CHLSN: variants seen among roughly 807,000 people sequenced by gnomAD.
CHLSN encodes protein cholesin.
the CHLSN span, among the ~76,000 whole-genome samples, chr7:1,008,596 C>T: frequency 6.6e-6 from 1 of 152,166 alleles, no homozygotes; most frequent in Non-Finnish European, 1.5e-5. Flanking sequence ...TTCTATGACC[C>T]CCAAGGCAGC....
chr7:1,050,797 G>C, the CHLSN span, among the ~76,000 whole-genome samples: 2 of 152,218 alleles, frequency 1.3e-5, no homozygotes, highest in Non-Finnish European at 2.9e-5. Context: ...TGAGGACCCA[G>C]AGACGGGCAC....
At chr7:1,016,842 CCAGCACACAGCAGCACA>C in the CHLSN span, among the ~76,000 whole-genome samples, 18,041 of 112,642 alleles carry the variant, frequency 0.16, 3,750 homozygotes, top group Admixed American at 0.23. Flanking sequence ...GCAGCGCACG[CCAGCACACAGCAGCACA>C]CAGCACACAG....
chr7:985,029 C>A, the CHLSN span: 1 of 1,612,162 alleles, frequency 6.2e-7, no homozygotes, highest in South Asian at 1.1e-5. Flanking sequence ...TGGGCGTGGG[C>A]CGGGAGCCGG....
the CHLSN span, among the ~76,000 whole-genome samples, chr7:1,105,133 T>C: frequency 3.9e-5 from 6 of 152,178 alleles, no homozygotes; most frequent in Admixed American, 3.9e-4. Flanking sequence ...CAATCCTGGG[T>C]AAAAGGGCCA....
chr7:1,014,540 G>A, the CHLSN span, among the ~76,000 whole-genome samples: 3 of 152,238 alleles, frequency 2.0e-5, no homozygotes, highest in East Asian at 3.8e-4. Flanking sequence ...GGTGGGTAAC[G>A]TGCTAGTCAT....
At chr7:1,136,511 C>CAT in the CHLSN span, among the ~76,000 whole-genome samples, 2,748 of 106,348 alleles carry the variant, frequency 0.026, 410 homozygotes, top group East Asian at 0.099. Flanking sequence ...TATATATAAA[C>CAT]ATATATAAAT....
chr7:1,126,836 C>T, the CHLSN span, among the ~76,000 whole-genome samples: 2 of 152,192 alleles, frequency 1.3e-5, no homozygotes, highest in Non-Finnish European at 2.9e-5. Context: ...GGACAATAAT[C>T]GTGTTATTCG....
chr7:1,074,333 G>A, the CHLSN span: 2,158 of 133,260 alleles, frequency 0.016, 68 homozygotes, highest in African/African-American at 0.06. Flanking sequence ...GTGTCCCACA[G>A]CACAGGACCT....
At chr7:1,093,242 C>T in the CHLSN span, 1 of 477,314 alleles carries the variant, frequency 2.1e-6, no homozygotes, top group East Asian at 6.5e-5. Context: ...GGGTGAAGCG[C>T]CTCAGTTACA....
chr7:1,019,069 T>C, the CHLSN span, among the ~76,000 whole-genome samples: 23 of 151,444 alleles, frequency 1.5e-4, no homozygotes, highest in Non-Finnish European at 3.2e-4. Context: ...GTGGTGCACG[T>C]CTGTAATCCC....
At chr7:1,080,313 G>A in the CHLSN span, among the ~76,000 whole-genome samples, 6 of 152,244 alleles carry the variant, frequency 3.9e-5, no homozygotes, top group African/African-American at 1.4e-4. Flanking sequence ...TCGCTCCCAC[G>A]ATGGCGGGAC....
At chr7:1,040,926 C>G in the CHLSN span, among the ~76,000 whole-genome samples, 1 of 152,258 alleles carries the variant, frequency 6.6e-6, no homozygotes, top group Non-Finnish European at 1.5e-5. Flanking sequence ...CAGCCGCGCT[C>G]CGTGAGTGAG....
At chr7:1,011,363 C>G in the CHLSN span, among the ~76,000 whole-genome samples, 127 of 149,746 alleles carry the variant, frequency 8.5e-4, no homozygotes, top group African/African-American at 2.9e-3. Flanking sequence ...GACACCCACA[C>G]ACATCCAACA....
At chr7:986,353 G>A in the CHLSN span, 2 of 523,112 alleles carry the variant, frequency 3.8e-6, no homozygotes, top group Middle Eastern at 5.1e-4. Flanking sequence ...TTCCACTGTG[G>A]CAGCTGCCTC....
chr7:1,062,224 TAA>T, the CHLSN span, among the ~76,000 whole-genome samples: 1 of 152,206 alleles, frequency 6.6e-6, no homozygotes, highest in Non-Finnish European at 1.5e-5. Flanking sequence ...ATTAAAGTTC[TAA>T]GAGTTATTGT....
chr7:998,712 C>T, the CHLSN span, among the ~76,000 whole-genome samples: 2 of 152,172 alleles, frequency 1.3e-5, no homozygotes, highest in African/African-American at 2.4e-5. Flanking sequence ...TCCCAAAGTG[C>T]TGGGATTACA....
chr7:1,006,613 G>GGGAAAGAGCGCACGACGGCCACAGCGCA, the CHLSN span, among the ~76,000 whole-genome samples: 1 of 33,204 alleles, frequency 3.0e-5, no homozygotes, highest in Non-Finnish European at 5.6e-5. Flanking sequence ...GCCACAGCGC[G>GGGAAAGAGCGCACGACGGCCACAGCGCA]GGGAAAGAGC....
the CHLSN span, among the ~76,000 whole-genome samples, chr7:1,014,372 T>G: frequency 6.6e-6 from 1 of 152,208 alleles, no homozygotes; most frequent in African/African-American, 2.4e-5. Context: ...TAATTTGATT[T>G]TAAAAGGTTC....
chr7:1,030,022 C>A, the CHLSN span, among the ~76,000 whole-genome samples: 1 of 152,168 alleles, frequency 6.6e-6, no homozygotes, highest in Admixed American at 6.5e-5. Flanking sequence ...GTGTCCGCAC[C>A]CCGCTTTCAG....
Sources: gnomAD v4.1 joint callset for allele counts (sites outside exome capture counted in the v4.1 genomes callset) on GRCh38, gnomAD v4.1.1 for gene constraint, MANE v1.5 for transcripts, NCBI Gene and HGNC (gene_info 2026-07-23, HGNC 2026-07-21) for gene names.